Variants in CDK11A observed in about 807,000 individuals in gnomAD.
CDK11A encodes cyclin-dependent kinase 11A.
Under a neutral mutation model 83.6 loss-of-function variants are expected in CDK11A, and 55 were observed. That is an observed-to-expected ratio of 0.66 (90% confidence interval 0.53 to 0.82). The LOEUF (loss-of-function observed/expected upper bound fraction) is 0.82. Ranked by LOEUF, CDK11A falls within the 40% of genes least tolerant of loss-of-function variation. The pLI is 0.00. For missense variants in CDK11A, 564 were observed against 810.1 expected, an observed-to-expected ratio of 0.70 and a Z score of 3.69; for synonymous variants, 247 against 302.7, an observed-to-expected ratio of 0.82 and a Z score of 1.91.
chr1:1,724,164 G>C lies in CDK11A; in HGVS notation c.-14+94C>G, dbSNP rs933048664. 4 of 150,474 alleles carry C rather than the reference G, an allele frequency of 2.7e-5. No homozygotes were observed. The East Asian group carries it at 7.8e-4, about 29-fold the overall frequency. The allele number at this position is 150,474 out of a possible 1,614,324, so 9.3% of individuals were successfully genotyped here. ...GAGGGTGTCGCTCGCCCCCGGGCCCGGGTCCGCCCCGCTCCGAGGCCTGCT... is the reference window on the plus strand; with the variant it reads ...GAGGGTGTCGCTCGCCCCCGGGCCCCGGTCCGCCCCGCTCCGAGGCCTGCT... On this transcript the variant is annotated intron_variant, in intron 1 of 19. Coordinates refer to ENST00000404249, the MANE Select transcript of CDK11A (RefSeq NM_024011.4).
chr1:1,721,767 G>A, intron 2 of CDK11A, 56 bp from the exon 3 acceptor site: 1 of 1,448,760 alleles, frequency 6.9e-7, no homozygotes. Flanking sequence ...TTTCTTCATA[G>A]ATAAAAGTAT....
Position 1,716,490 on chromosome 1 carries a change from T to G in CDK11A, c.356-12A>C. The G allele has an allele frequency of 6.2e-7, 1 of 1,605,458 alleles. No individual in the cohort carries two copies. Among genetic ancestry groups the G allele is most frequent in the East Asian group, 2.2e-5 (1 of 44,768 alleles). On this transcript the variant is annotated splice_polypyrimidine_tract_variant and intron_variant, in intron 4 of 19. Coordinates refer to ENST00000404249, the MANE Select transcript of CDK11A (RefSeq NM_024011.4). ...TCTAGCATGCTTCCCTAATGAGAAATAAAGTGTCATGCAAAGAAACCTCAC... is the reference window on the plus strand; with the variant it reads ...TCTAGCATGCTTCCCTAATGAGAAAGAAAGTGTCATGCAAAGAAACCTCAC...
chr1:1,702,967 G>C lies in CDK11A; in HGVS notation c.2283C>G (p.His761Gln). The change falls in exon 20 of 20, where the codon CAC (histidine) becomes CAG (glutamine). Residue 761 changes from histidine to glutamine, a missense_variant. Transcript: ENST00000404249. ...GDDDLKETGFHLTTTNQGASA... is the reference protein window; with the variant it reads ...GDDDLKETGFQLTTTNQGASA... ...AGGCCCCCTGGTTCGTGGTGGTAAG[G>C]TGGAAGCCCGTCTCCTTCAGGTCGT... 1.5e-5 allele frequency: 7 copies of C among 477,104 alleles called. 1 individual carries two copies. Among genetic ancestry groups the C allele is most frequent in the Non-Finnish European group, 2.2e-5 (6 of 273,156 alleles). The allele number at this position is 477,104 out of a possible 1,614,324, so 29.6% of individuals were successfully genotyped here. A position where few individuals can be genotyped will look rare whatever the true frequency, so the allele number is the denominator to read the frequency against.
rs554888338 is a variant in CDK11A, at chr1:1,707,098, C to T, written c.1245+311G>A. On this transcript the variant is annotated intron_variant, in intron 11 of 19. Coordinates refer to ENST00000404249, the MANE Select transcript of CDK11A (RefSeq NM_024011.4). Reference sequence around the variant, plus strand: ...CGCAGGGGTCAAGTGGAAGGCACTGCTCTCCAGTGCGGAGGAGGACGCAAC... The same window carrying T: ...CGCAGGGGTCAAGTGGAAGGCACTGTTCTCCAGTGCGGAGGAGGACGCAAC... Among the ~76,000 whole-genome samples, 991 of 143,718 alleles carry T rather than the reference C, an allele frequency of 6.9e-3. 33 individuals are homozygous for T. Among genetic ancestry groups the T allele is most frequent in the Non-Finnish European group, 7.8e-3 (522 of 66,604 alleles). The allele number at this position is 143,718 out of a possible 152,430, so 94.3% of individuals were successfully genotyped here.
chr1:1,722,405 A>G (rs1202761915), intron 2 of CDK11A: 1 of 500,208 alleles, frequency 2.0e-6, no homozygotes, highest in Non-Finnish European at 3.6e-6. Context: ...CACTATATTA[A>G]AAATACTTAG....
rs1426126603 is a variant in CDK11A, at chr1:1,702,692, C to T, written c.*215G>A. 2.8e-3 allele frequency: 1,733 copies of T among 619,680 alleles called. 15 individuals are homozygous for T. In the African/African-American group the frequency reaches 0.029, roughly 10 times the overall value. The allele number at this position is 619,680 out of a possible 1,614,324, so 38.4% of individuals were successfully genotyped here. A position where few individuals can be genotyped will look rare whatever the true frequency, so the allele number is the denominator to read the frequency against. ...GTTTGTGCTGCCCCACGTGGGCACC[C>T]GAAGATGCCCTGGCAAGTCACGGAG... On this transcript the variant is annotated 3_prime_UTR_variant, in exon 20 of 20. Transcript: ENST00000404249.
chr1:1,710,636 C>T (rs529438470), intron 6 of CDK11A, among the ~76,000 whole-genome samples: 12 of 150,058 alleles, frequency 8.0e-5, no homozygotes, highest in South Asian at 2.1e-4. Context: ...CCAACAGACA[C>T]GGTTCCTGAA....
chr1:1,716,329 T>C lies in CDK11A; in HGVS notation c.488+17A>G, dbSNP rs774873773. Reference sequence around the variant, plus strand: ...ACGGCCCTTTCATAAAGTCCTCAACTGACCCAGCCCACTCACCTTTCTCTC... The same window carrying C: ...ACGGCCCTTTCATAAAGTCCTCAACCGACCCAGCCCACTCACCTTTCTCTC... On this transcript the variant is annotated intron_variant, in intron 5 of 19. Coordinates refer to ENST00000404249, the MANE Select transcript of CDK11A (RefSeq NM_024011.4). 2 of 1,607,604 alleles carry C rather than the reference T, an allele frequency of 1.2e-6. No individual in the cohort carries two copies. The highest frequency in any genetic ancestry group is 2.2e-5 in the East Asian group (1 of 44,752).
At chr1:1,720,696 C>CTTATTA (rs113766033) in intron 3 of CDK11A, among the ~76,000 whole-genome samples, 1 of 149,398 alleles carries the variant, frequency 6.7e-6, no homozygotes, top group Non-Finnish European at 1.5e-5. Context: ...CGCACCCGGA[C>CTTATTA]TTATTATTTT....
rs781130582 is a variant in CDK11A, at chr1:1,704,268, G to A, written c.1641C>T (p.Asp547=). ...TCAGCAGCAGGTTGGACGTCTTGAG[G>A]TCACGGTGCAGGATCCAGTTGTCGT... ...HLHDNWILHR[D]LKTSNLLLSH... Residue 547 remains aspartate, a synonymous_variant, in exon 15 of 20, where the codon GAC becomes GAT. Coordinates refer to ENST00000404249, the MANE Select transcript of CDK11A (RefSeq NM_024011.4). 6.8e-6 allele frequency: 11 copies of A among 1,608,472 alleles called. No homozygotes were observed. Among genetic ancestry groups the A allele is most frequent in the African/African-American group, 2.7e-5 (2 of 74,536 alleles).
chr1:1,721,821 T>A (rs749715548), intron 2 of CDK11A, 110 bp from the exon 3 acceptor site: 2 of 1,382,292 alleles, frequency 1.4e-6, no homozygotes, highest in Admixed American at 4.9e-5. Context: ...AAACAAACTT[T>A]CACATGTACT....
rs1376470487 is a variant in CDK11A, at chr1:1,718,196, CTAGGG to C, written c.355+1127_355+1131del. Among the ~76,000 whole-genome samples, 9 of 142,890 alleles carry C rather than the reference CTAGGG, an allele frequency of 6.3e-5. 2 individuals carry two copies. Among genetic ancestry groups the C allele is most frequent in the Admixed American group, 1.4e-4 (2 of 14,166 alleles). 93.7% of individuals were successfully genotyped at this position (142,890 alleles called of 152,430 possible). On this transcript the variant is annotated intron_variant, in intron 4 of 19. Coordinates refer to ENST00000404249, the MANE Select transcript of CDK11A (RefSeq NM_024011.4). The stretch of plus-strand genomic sequence containing the variant: ...GTCTGTGACACACGCATGCTTTCAG[CTAGGG>C]TATTCTCTCTATAGCCCTTCTGAAT...
intron 15 of CDK11A, 35 bp from the exon 16 acceptor site, chr1:1,704,181 G>C (rs752007184): frequency 2.7e-5 from 43 of 1,607,740 alleles, no homozygotes; most frequent in Middle Eastern, 1.9e-4. Context: ...GGGTGGGCCT[G>C]GGCGGGTCAC....
At chr1:1,718,399 C>T (rs1267184566) in intron 4 of CDK11A, among the ~76,000 whole-genome samples, 5 of 148,880 alleles carry the variant, frequency 3.4e-5, no homozygotes, top group African/African-American at 9.9e-5. Flanking sequence ...CTGTGACACA[C>T]GCAGGCTTTT....
Position 1,704,155 on chromosome 1 carries a change from A to AG in CDK11A, c.1687-10_1687-9insC. On this transcript the variant is annotated splice_polypyrimidine_tract_variant and intron_variant, in intron 15 of 19. Transcript: ENST00000404249. The stretch of plus-strand genomic sequence containing the variant: ...AGCCCAAAATCACCCACCTGCAACG[A>AG]CAGATGGGCGGCTGTGGGTGGGCCT... The AG allele has an allele frequency of 6.2e-7, 1 of 1,606,692 alleles. No homozygotes were observed. The highest frequency in any genetic ancestry group is 8.5e-7 in the Non-Finnish European group (1 of 1,175,714).
chr1:1,706,922 A>G (rs1017255203), intron 11 of CDK11A, among the ~76,000 whole-genome samples: 12 of 146,666 alleles, frequency 8.2e-5, no homozygotes, highest in Non-Finnish European at 3.0e-5. Flanking sequence ...TGTCCCTTCC[A>G]AATCACTCCC....
chr1:1,706,479 G>A (rs1370498837), intron 11 of CDK11A, among the ~76,000 whole-genome samples: 1 of 151,300 alleles, frequency 6.6e-6, no homozygotes, highest in Non-Finnish European at 1.5e-5. Context: ...AGCCTGGGAG[G>A]TGGAGGCTCC....
chr1:1,716,255 G>A (rs1172784404), intron 5 of CDK11A, 91 bp downstream of exon 5: 14 of 1,431,716 alleles, frequency 9.8e-6, no homozygotes, highest in Non-Finnish European at 1.4e-5. Context: ...CAACAAATGT[G>A]ACTTCTATTG....
intron 5 of CDK11A, among the ~76,000 whole-genome samples, chr1:1,716,012 G>T (rs113482764): frequency 6.6e-6 from 1 of 150,716 alleles, no homozygotes; most frequent in Admixed American, 6.6e-5. Flanking sequence ...CTGCAGCCTT[G>T]ACCTCCCAGG....
Sources: allele counts gnomAD v4.1 joint callset (sites outside exome capture counted in the v4.1 genomes callset), GRCh38; gene constraint gnomAD v4.1.1; transcripts MANE v1.5; gene names NCBI Gene and HGNC (gene_info 2026-07-23, HGNC 2026-07-21).